Variants in DIP2A observed in about 807,000 individuals in gnomAD.
DIP2A encodes DIP2 acetate--CoA ligase A.
DIP2A carries 85 observed loss-of-function variants against 177.4 expected under a neutral mutation model. That is an observed-to-expected ratio of 0.48 (90% CI 0.40 to 0.57). The LOEUF (loss-of-function observed/expected upper bound fraction) is 0.57. Among genes scored for constraint, DIP2A ranks in the 20% least tolerant of loss-of-function variants. The pLI is 0.00. For missense variants in DIP2A, 1,791 were observed against 2,100.2 expected, an observed-to-expected ratio of 0.85 and a Z score of 2.88; for synonymous variants, 886 against 881.8, an observed-to-expected ratio of 1.00 and a Z score of -0.08.
rs1218635715 is a variant in DIP2A at position 46,537,267 on chromosome 21, T to C, written c.1686T>C (p.Gly562=). 6.2e-7 allele frequency: 1 copy of C among 1,614,036 alleles called. No homozygotes were observed. The highest frequency in any genetic ancestry group is 2.2e-5 in the East Asian group (1 of 44,884). Residue 562 remains glycine, a synonymous_variant, in exon 14 of 38, where the codon GGT becomes GGC. Transcript: ENST00000417564. The surrounding 1 kb of genome is among the most constrained non-coding windows in gnomAD (Gnocchi z 4.1). ...TGCTGGATTTCAAAAGGGATGCTGG[T>C]CTGTGGCATGGCGTGTTAACAGTGA... ...TNVLDFKRDA[G]LWHGVLTSVM...
chr21:46,534,510 T>G, intron 12 of DIP2A, 75 bp from the exon 13 acceptor site: 1 of 1,381,644 alleles, frequency 7.2e-7, no homozygotes, highest in Middle Eastern at 1.8e-4. Context: ...CTTTTGAAGA[T>G]TCTACCAGTT....
chr21:46,529,595 G>C (rs1232406778), intron 9 of DIP2A, among the ~76,000 whole-genome samples: 3 of 147,822 alleles, frequency 2.0e-5, no homozygotes, highest in Admixed American at 6.7e-5. Context: ...GTGAGACTCC[G>C]TCTCAAAGAG....
At chr21:46,488,925 A>G (rs766552547) in intron 2 of DIP2A, among the ~76,000 whole-genome samples, 4 of 152,230 alleles carry the variant, frequency 2.6e-5, no homozygotes, top group Non-Finnish European at 5.9e-5. Context: ...CCGTCTGTGT[A>G]TATGTCACTT....
In DIP2A at chr21:46,559,721, G is replaced by A. The variant is rs117557978; in HGVS notation, c.3970-1001G>A. ...CACGTTTGCTCTTTAAGATACAGAG[G>A]TGGGTTTTGCTCTCTCTTTCCCTGT... On this transcript the variant is annotated intron_variant, in intron 32 of 37. Coordinates refer to ENST00000417564, the MANE Select transcript of DIP2A (RefSeq NM_015151.4). Among the ~76,000 whole-genome samples the A allele has an allele frequency of 2.2e-4, 34 of 152,320 alleles. No individual in the cohort carries two copies. The East Asian group carries it at 6.4e-3, about 29-fold the overall frequency.
chr21:46,581,437 C>T, the DIP2A span, among the ~76,000 whole-genome samples: 1 of 152,186 alleles, frequency 6.6e-6, no homozygotes, highest in Non-Finnish European at 1.5e-5. Context: ...CATTCTGAAG[C>T]CTACTTCTGT....
intron 22 of DIP2A, 36 bp downstream of exon 22, chr21:46,549,921 C>A: frequency 6.2e-7 from 1 of 1,605,510 alleles, no homozygotes. Context: ...TTCGGTGAAT[C>A]TCCCAAGCTG....
chr21:46,504,822 A>G (rs569209224), intron 6 of DIP2A, among the ~76,000 whole-genome samples: 4 of 152,304 alleles, frequency 2.6e-5, no homozygotes, highest in Admixed American at 6.5e-5. Context: ...TTTAGATTCA[A>G]TGTGGCAGAC....
chr21:46,492,307 G>A (rs1036461057), intron 3 of DIP2A, among the ~76,000 whole-genome samples: 11 of 152,094 alleles, frequency 7.2e-5, no homozygotes, highest in South Asian at 6.2e-4. Context: ...ACATAAATGC[G>A]CGCATCTATT....
chr21:46,514,466 A>G (rs2058458533), intron 8 of DIP2A, among the ~76,000 whole-genome samples: 1 of 151,970 alleles, frequency 6.6e-6, no homozygotes, highest in Admixed American at 6.6e-5. Flanking sequence ...CTTTGTATCC[A>G]GTTATCTCAC....
chr21:46,513,445 C>CGG (rs907861475), intron 8 of DIP2A, among the ~76,000 whole-genome samples: 2 of 151,980 alleles, frequency 1.3e-5, no homozygotes, highest in Non-Finnish European at 2.9e-5. Flanking sequence ...CTCCTGTTGG[C>CGG]GGGGGGTGTT....
At chr21:46,519,855 A>ATTTTTTTTTTTTTTTT (rs59574579) in intron 8 of DIP2A, among the ~76,000 whole-genome samples, 2 of 53,018 alleles carry the variant, frequency 3.8e-5, no homozygotes, top group African/African-American at 1.7e-4. Context: ...ATTGATCTAG[A>ATTTTTTTTTTTTTTTT]TTTTTTTTTT....
At chr21:46,503,325 C>CAA (rs66982574) in intron 5 of DIP2A, among the ~76,000 whole-genome samples, 15 of 101,370 alleles carry the variant, frequency 1.5e-4, no homozygotes, top group African/African-American at 2.4e-4. Flanking sequence ...GACTCCATCT[C>CAA]AAAAAAAAAA....
At chr21:46,485,390 A>G (rs1298599939) in intron 2 of DIP2A, among the ~76,000 whole-genome samples, 1 of 152,254 alleles carries the variant, frequency 6.6e-6, no homozygotes, top group East Asian at 1.9e-4. Flanking sequence ...AGCCGTTGTC[A>G]CTAAGACAGA....
intron 35 of DIP2A, among the ~76,000 whole-genome samples, chr21:46,565,006 TCTC>T (rs1346461807): frequency 2.6e-5 from 4 of 152,188 alleles, no homozygotes; most frequent in Non-Finnish European, 4.4e-5. Context: ...GCCACCCCGT[TCTC>T]CTCTTTCAGA....
intron 1 of DIP2A, among the ~76,000 whole-genome samples, chr21:46,464,761 C>T (rs769612530): frequency 1.2e-4 from 18 of 149,796 alleles, no homozygotes; most frequent in Non-Finnish European, 2.4e-4. Flanking sequence ...AAGGTTCTGC[C>T]GCTCAACACT....
In DIP2A at chr21:46,509,237, C is replaced by T. The variant is rs986660064; in HGVS notation, c.785-20C>T. On this transcript the variant is annotated intron_variant, in intron 6 of 37. Transcript: ENST00000417564. ...CAGATGTGTCCTGGCCTCAGTGCTC[C>T]TCTGTCCTTCCCGTGACAGGTGTCC... 3 of 1,606,726 alleles carry T rather than the reference C, an allele frequency of 1.9e-6. No homozygotes were observed. The Admixed American group carries it at 5.1e-5, about 28-fold the overall frequency.
chr21:46,554,304 G>A lies in DIP2A; in HGVS notation c.3154+12G>A. 1 of 1,613,354 alleles carries A rather than the reference G, an allele frequency of 6.2e-7. No individual in the cohort carries two copies. The highest frequency in any genetic ancestry group is 8.5e-7 in the Non-Finnish European group (1 of 1,179,516). ...GGTCTACCCACCAGGTGGGCTCACT[G>A]TGGGGCTGTCCACCTGCAGCTCTTT... is the stretch of plus-strand genomic sequence containing the variant. On this transcript the variant is annotated intron_variant, in intron 26 of 37. Transcript: ENST00000417564.
chr21:46,511,490 T>C lies in DIP2A; in HGVS notation c.978T>C (p.Thr326=). The C allele has an allele frequency of 6.2e-7, 1 of 1,613,378 alleles. No individual in the cohort carries two copies. Among genetic ancestry groups the C allele is most frequent in the Non-Finnish European group, 8.5e-7 (1 of 1,179,644 alleles). The part of the protein sequence containing the change: ...ETSVLRGEPL[T]AGVPRPPSLL... The stretch of plus-strand genomic sequence containing the variant: ...GTGTGCTGAGAGGGGAGCCTCTCAC[T>C]GCAGGTGTCCCCCGACCGCCGTCGC... Residue 326 remains threonine, a synonymous_variant, in exon 8 of 38, where the codon ACT becomes ACC. Transcript: ENST00000417564.
the DIP2A span, among the ~76,000 whole-genome samples, chr21:46,582,427 G>C: frequency 6.6e-6 from 1 of 152,208 alleles, no homozygotes; most frequent in African/African-American, 2.4e-5. Flanking sequence ...TCTGTACTTG[G>C]GACCCAAGGC....
Sources: allele counts gnomAD v4.1 joint callset (sites outside exome capture counted in the v4.1 genomes callset), GRCh38; gene constraint gnomAD v4.1.1; non-coding constraint Gnocchi (gnomAD v3.1); transcripts MANE v1.5; gene names NCBI Gene and HGNC (gene_info 2026-07-23, HGNC 2026-07-21).